HRH1: variants seen among roughly 807,000 people sequenced by gnomAD.
The protein encoded by HRH1 is histamine H1 receptor.
In HRH1, 6 loss-of-function variants were observed where a neutral mutation model predicts 10.3. That is an observed-to-expected ratio of 0.58 (90% confidence interval 0.32 to 1.15). HRH1 has a LOEUF of 1.15. HRH1 is among the 50% of genes most tolerant of loss of function. The probability of loss-of-function intolerance (pLI) is 0.05; values close to 1 mark genes in which losing one functional copy is unlikely to be tolerated. For synonymous variants in HRH1, 242 were observed against 236.7 expected (o/e 1.02, Z -0.21); for missense variants, 514 against 615.3 (o/e 0.84, Z 1.74).
At chr3:11,151,289 C>A (rs1041394656), upstream of HRH1, among the ~76,000 whole-genome samples, 3 of 152,168 alleles carry the variant, frequency 2.0e-5, no homozygotes, top group Non-Finnish European at 4.4e-5. Flanking sequence ...AAAAGTGGCA[C>A]ATATGTATAA....
At chr3:11,192,343 G>GT (rs112348248) in intron 1 of HRH1, among the ~76,000 whole-genome samples, 46,339 of 151,756 alleles carry the variant, frequency 0.31, 7,635 homozygotes, top group African/African-American at 0.4. Flanking sequence ...TTTTATGCTG[G>GT]TTTTTTTCGC....
rs1051437522 is a variant in HRH1 at position 11,260,024 on chromosome 3, C to A, written c.987C>A (p.Gly329=). ...ATGTAGCCGTCAACCGGAGCCATGG[C>A]CAGCTCAAGACAGATGAGCAGGGCC... The part of the protein sequence containing the change: ...RDYVAVNRSH[G]QLKTDEQGLN... Residue 329 remains glycine (G), a synonymous_variant, in exon 2 of 2, where the codon GGC becomes GGA. Coordinates refer to ENST00000431010, the MANE Select transcript of HRH1 (RefSeq NM_001098212.2). 1.2e-5 allele frequency: 19 copies of A among 1,613,966 alleles called. No homozygotes were observed. Among genetic ancestry groups the A allele is most frequent in the Admixed American group, 1.7e-5 (1 of 59,992 alleles).
intron 1 of HRH1, chr3:11,225,917 G>A (rs966632597): frequency 7.2e-5 from 11 of 152,460 alleles, no homozygotes; most frequent in African/African-American, 2.4e-4. Context: ...GGAGAAGGAA[G>A]TGAATTAACC....
chr3:11,207,518 G>A (rs957710823), intron 1 of HRH1, among the ~76,000 whole-genome samples: 4 of 152,024 alleles, frequency 2.6e-5, no homozygotes, highest in East Asian at 3.9e-4. Context: ...GCAGTGAGCC[G>A]AGATCATGCC....
upstream of HRH1, among the ~76,000 whole-genome samples, chr3:11,152,276 T>C (rs1936649757): frequency 6.6e-6 from 1 of 152,222 alleles, no homozygotes; most frequent in South Asian, 2.1e-4. Flanking sequence ...ACTTTTCTGC[T>C]GCAGCCTGTA....
At chr3:11,249,148 G>A (rs993050071) in intron 1 of HRH1, among the ~76,000 whole-genome samples, 3 of 152,140 alleles carry the variant, frequency 2.0e-5, no homozygotes, top group Admixed American at 2.0e-4. Context: ...TGTAATCCCA[G>A]CACTTTGGGA....
chr3:11,151,566 T>C (rs1936626170), upstream of HRH1, among the ~76,000 whole-genome samples: 1 of 152,170 alleles, frequency 6.6e-6, no homozygotes, highest in Non-Finnish European at 1.5e-5. Context: ...TGTTCAATCA[T>C]AGCTCACTGC....
chr3:11,256,747 C>T (rs190976069), intron 1 of HRH1, among the ~76,000 whole-genome samples: 4 of 151,720 alleles, frequency 2.6e-5, no homozygotes, highest in Admixed American at 6.6e-5. Context: ...TGCAGTGAAC[C>T]GAGATCGCGC....
At chr3:11,169,372 A>ATT (rs1280275767) in intron 1 of HRH1, among the ~76,000 whole-genome samples, 2 of 152,118 alleles carry the variant, frequency 1.3e-5, no homozygotes, top group Non-Finnish European at 2.9e-5. Flanking sequence ...TAGACGCCTC[A>ATT]TTGCCAGCTG....
Position 11,244,922 on chromosome 3 carries a change from T to C in HRH1, c.-35-14081T>C, listed in dbSNP as rs1396651671. On this transcript the variant is annotated intron_variant, in intron 1 of 1. Transcript: ENST00000431010. Reference sequence around the variant, plus strand: ...TGGTAACATTTTGGGTTGTCATGACTGGGGGCTTGCAGCTACTGGCATCAA... The same window carrying C: ...TGGTAACATTTTGGGTTGTCATGACCGGGGGCTTGCAGCTACTGGCATCAA... 2.0e-5 allele frequency among the ~76,000 whole-genome samples: 3 copies of C among 152,280 alleles called. No individual in the cohort carries two copies. The East Asian group carries it at 5.8e-4, about 29-fold the overall frequency.
At chr3:11,248,901 A>G (rs1323389467) in intron 1 of HRH1, among the ~76,000 whole-genome samples, 2 of 152,238 alleles carry the variant, frequency 1.3e-5, no homozygotes, top group Non-Finnish European at 2.9e-5. Flanking sequence ...GAAGGGGACA[A>G]TTTGGGTTTC....
chr3:11,194,396 G>A (rs1937602946), intron 1 of HRH1, among the ~76,000 whole-genome samples: 2 of 152,334 alleles, frequency 1.3e-5, no homozygotes, highest in South Asian at 2.1e-4. Flanking sequence ...TCATTAAACA[G>A]TGGTGTCACC....
Position 11,138,180 on chromosome 3 carries a change from A to ATTTTTTTTTTTTT in HRH1, c.-36+784_-36+796dup, listed in dbSNP as rs746775307. On this transcript the variant is annotated intron_variant, in intron 1 of 1. Coordinates refer to the HRH1 transcript ENST00000438284. ...ACAGGCGCCCGCACCACGTTTGGCT[A>ATTTTTTTTTTTTT]TTTTTTTTTTTTTTTGTATTTTTAG... 3.0e-5 allele frequency among the ~76,000 whole-genome samples: 4 copies of ATTTTTTTTTTTTT among 135,578 alleles called. 1 individual carries two copies. The highest frequency in any genetic ancestry group is 6.2e-5 in the Non-Finnish European group (4 of 64,146). 88.9% of individuals were successfully genotyped at this position (135,578 alleles called of 152,430 possible). A position where few individuals can be genotyped will look rare whatever the true frequency, so the allele number is the denominator to read the frequency against.
At chr3:11,208,545 A>C (rs181134893) in intron 1 of HRH1, among the ~76,000 whole-genome samples, 8 of 152,326 alleles carry the variant, frequency 5.3e-5, no homozygotes, top group Admixed American at 4.6e-4. Context: ...ATCACTTGAA[A>C]TCCTTCTACC....
intron 1 of HRH1, among the ~76,000 whole-genome samples, chr3:11,161,678 A>G (rs1240095515): frequency 1.3e-5 from 2 of 152,356 alleles, no homozygotes; most frequent in African/African-American, 4.8e-5. Flanking sequence ...ACGGCTTTCC[A>G]GGCATCTTGA....
chr3:11,213,572 G>A (rs1421330343), intron 1 of HRH1, among the ~76,000 whole-genome samples: 4 of 152,154 alleles, frequency 2.6e-5, no homozygotes, highest in African/African-American at 9.7e-5. Context: ...CATAAATGGT[G>A]CCATCTAGGT....
At chr3:11,250,320 A>C (rs1939615127) in intron 1 of HRH1, among the ~76,000 whole-genome samples, 1 of 150,830 alleles carries the variant, frequency 6.6e-6, no homozygotes, top group South Asian at 2.1e-4. Flanking sequence ...CGGCCTCCCA[A>C]AGTGCTGGGA....
chr3:11,229,440 A>G (rs927784416), intron 1 of HRH1, among the ~76,000 whole-genome samples: 2 of 152,200 alleles, frequency 1.3e-5, no homozygotes, highest in African/African-American at 2.4e-5. Context: ...GAGCAAAACA[A>G]TATATGACGA....
At chr3:11,143,805 G>A (rs150025945) in intron 1 of HRH1, among the ~76,000 whole-genome samples, 9 of 152,146 alleles carry the variant, frequency 5.9e-5, no homozygotes, top group Admixed American at 2.0e-4. Flanking sequence ...GGGTTTGCTC[G>A]TGCTGTTCTC....
Sources: allele counts gnomAD v4.1 joint callset (sites outside exome capture counted in the v4.1 genomes callset), GRCh38; gene constraint gnomAD v4.1.1; transcripts MANE v1.5; gene names NCBI Gene and HGNC (gene_info 2026-07-23, HGNC 2026-07-21).